CLIC5: variants seen among roughly 807,000 people sequenced by gnomAD.
The protein encoded by CLIC5 is CLIC family member 5.
CLIC5 carries 20 observed loss-of-function variants against 24.7 expected under a neutral mutation model. The observed-to-expected ratio is 0.81, with a 90% CI of 0.57 to 1.18. The LOEUF is 1.18. CLIC5 is among the 50% of genes most tolerant of loss of function. CLIC5 has a pLI of 0.00. For missense variants in CLIC5, 341 were observed against 326.1 expected, an observed-to-expected ratio of 1.05 and a Z score of -0.35; for synonymous variants, 159 against 135.6, an observed-to-expected ratio of 1.17 and a Z score of -1.20.
chr6:45,930,420 G>T (rs1763688474), intron 4 of CLIC5, among the ~76,000 whole-genome samples: 2 of 152,290 alleles, frequency 1.3e-5, no homozygotes, highest in Non-Finnish European at 2.9e-5. Context: ...AGGCCTGGTG[G>T]ACATGCCCTT....
intron 1 of CLIC5, among the ~76,000 whole-genome samples, chr6:45,987,143 A>T (rs754615859): frequency 3.5e-4 from 54 of 152,320 alleles, no homozygotes; most frequent in Non-Finnish European, 6.2e-4. Flanking sequence ...CCATTAACTT[A>T]GTTGGTATGT....
chr6:46,083,890 T>A (rs1198230250), upstream of CLIC5, among the ~76,000 whole-genome samples: 1 of 152,066 alleles, frequency 6.6e-6, no homozygotes, highest in Non-Finnish European at 1.5e-5. Context: ...AAGTCTCCCA[T>A]TATTATTGTG....
Position 45,949,262 on chromosome 6 carries a change from G to C in CLIC5, c.293C>G (p.Pro98Arg). Residue 98 changes from proline to arginine, a missense_variant, in exon 3 of 6, where the codon CCT becomes CGT. By Grantham distance (103) the Pro-to-Arg change is moderately radical. Coordinates refer to ENST00000339561, the MANE Select transcript of CLIC5 (RefSeq NM_016929.5). ...IEEFLEETLT[P>R]EKYPKLAAKH... The stretch of plus-strand genomic sequence containing the variant: ...GAAAGAAACAGATCCTTACTTTTCA[G>C]GGGTCAAGGTCTCCTCCAGGAACTC... 6.2e-7 allele frequency: 1 copy of C among 1,613,152 alleles called. No individual in the cohort carries two copies. Among genetic ancestry groups the C allele is most frequent in the South Asian group, 1.1e-5 (1 of 90,974 alleles).
At chr6:45,952,414 C>G (rs1000639878) in intron 2 of CLIC5, among the ~76,000 whole-genome samples, 7 of 152,176 alleles carry the variant, frequency 4.6e-5, no homozygotes, top group Admixed American at 2.0e-4. Context: ...AACCAACATG[C>G]AACGAGTTCT....
At chr6:45,933,033 G>A (rs1763798862) in intron 4 of CLIC5, among the ~76,000 whole-genome samples, 1 of 152,194 alleles carries the variant, frequency 6.6e-6, no homozygotes, top group Non-Finnish European at 1.5e-5. Flanking sequence ...AGAATAACCC[G>A]AGAGTCTTCT....
chr6:45,888,476 A>G (rs752738978), intron 6 of CLIC5, among the ~76,000 whole-genome samples: 21 of 152,342 alleles, frequency 1.4e-4, no homozygotes, highest in African/African-American at 3.6e-4. Context: ...CAGTTATGCT[A>G]TAAGCTAGGT....
intron 3 of CLIC5, among the ~76,000 whole-genome samples, chr6:45,947,336 G>A (rs1764321678): frequency 6.6e-6 from 1 of 152,168 alleles, no homozygotes; most frequent in Non-Finnish European, 1.5e-5. Context: ...CAGAGAGCAA[G>A]AAGGGCTCTG....
At chr6:46,033,809 C>T (rs190855494) in intron 1 of CLIC5, among the ~76,000 whole-genome samples, 24 of 152,324 alleles carry the variant, frequency 1.6e-4, no homozygotes, top group East Asian at 1.5e-3. Flanking sequence ...TGATAACCTT[C>T]AATATATCTC....
intron 1 of CLIC5, among the ~76,000 whole-genome samples, chr6:46,047,033 G>A (rs527259911): frequency 3.3e-5 from 5 of 152,278 alleles, no homozygotes; most frequent in East Asian, 1.9e-4. Context: ...GGGACCTACC[G>A]TAGTGTTCAC....
chr6:46,103,958 ACT>A, the CLIC5 span, among the ~76,000 whole-genome samples: 2 of 152,026 alleles, frequency 1.3e-5, no homozygotes, highest in Non-Finnish European at 2.9e-5. Context: ...GGTAAAAAGC[ACT>A]GTTTCTTTTT....
At chr6:45,996,587 C>A (rs925053694) in intron 1 of CLIC5, among the ~76,000 whole-genome samples, 1 of 151,966 alleles carries the variant, frequency 6.6e-6, no homozygotes, top group African/African-American at 2.4e-5. Context: ...TTCCCAGCAC[C>A]ATTTATTAAA....
chr6:45,943,957 C>T lies in CLIC5; in HGVS notation c.300-2304G>A, dbSNP rs148206681. 3.3e-3 allele frequency among the ~76,000 whole-genome samples: 504 copies of T among 152,292 alleles called. 2 individuals carry two copies. Among genetic ancestry groups the T allele is most frequent in the African/African-American group, 0.011 (474 of 41,560 alleles). ...GGGAGGATACTATATAGGATAAGTG[C>T]ATTCATTTTACCTCCATATTTATGG... On this transcript the variant is annotated intron_variant, in intron 3 of 5. Coordinates refer to ENST00000339561, the MANE Select transcript of CLIC5 (RefSeq NM_016929.5).
chr6:46,098,821 G>A, the CLIC5 span, among the ~76,000 whole-genome samples: 1 of 152,184 alleles, frequency 6.6e-6, no homozygotes, highest in African/African-American at 2.4e-5. Context: ...GTGGAGGGAG[G>A]TTGTGCCTGG....
chr6:45,970,541 A>G (rs544169155), intron 1 of CLIC5, among the ~76,000 whole-genome samples: 1 of 152,332 alleles, frequency 6.6e-6, no homozygotes, highest in African/African-American at 2.4e-5. Context: ...CCATAAAAAA[A>G]TAAACCTACC....
At chr6:45,930,081 C>T (rs1025537453) in intron 4 of CLIC5, among the ~76,000 whole-genome samples, 7 of 152,196 alleles carry the variant, frequency 4.6e-5, no homozygotes, top group African/African-American at 1.7e-4. Context: ...CTTTTTTAAA[C>T]GTGGCTCACC....
chr6:45,983,797 A>G (rs1268251668), intron 1 of CLIC5, among the ~76,000 whole-genome samples: 3 of 152,194 alleles, frequency 2.0e-5, no homozygotes, highest in African/African-American at 7.2e-5. Flanking sequence ...TTTCTCAGAT[A>G]AGTCTTTTAT....
At chr6:45,928,050 C>A (rs1351884135) in intron 4 of CLIC5, among the ~76,000 whole-genome samples, 2 of 152,172 alleles carry the variant, frequency 1.3e-5, no homozygotes, top group Non-Finnish European at 1.5e-5. Flanking sequence ...TACTCCGGCT[C>A]AGCCTGGAAA....
chr6:45,995,853 A>T (rs1038539280), intron 1 of CLIC5, among the ~76,000 whole-genome samples: 2 of 152,204 alleles, frequency 1.3e-5, no homozygotes, highest in African/African-American at 4.8e-5. Context: ...TCAGCAAGCT[A>T]ACACAGAAAC....
chr6:46,120,730 TCC>T, the CLIC5 span, among the ~76,000 whole-genome samples: 2 of 152,084 alleles, frequency 1.3e-5, no homozygotes, highest in South Asian at 4.2e-4. Flanking sequence ...TGCAGAGAAG[TCC>T]TTAAAGGACC....
Sources: allele counts gnomAD v4.1 joint callset (sites outside exome capture counted in the v4.1 genomes callset), GRCh38; gene constraint gnomAD v4.1.1; transcripts MANE v1.5; gene names NCBI Gene and HGNC (gene_info 2026-07-23, HGNC 2026-07-21).